Variants in IFNGR2 observed in about 807,000 individuals in gnomAD.
IFNGR2 encodes the protein interferon gamma receptor 2.
A neutral mutation model predicts 41.1 loss-of-function variants in IFNGR2; 15 were observed. That is an observed-to-expected ratio of 0.37 (90% CI 0.24 to 0.56). The LOEUF (loss-of-function observed/expected upper bound fraction) is 0.56. Ranked by LOEUF, IFNGR2 falls within the 20% of genes least tolerant of loss-of-function variation. The pLI is 0.81. For missense variants in IFNGR2, 362 were observed against 415.7 expected (o/e 0.87, Z 1.12); for synonymous variants, 161 against 171.6 (o/e 0.94, Z 0.48).
intron 2 of IFNGR2, among the ~76,000 whole-genome samples, chr21:33,417,010 C>T (rs912387960): frequency 4.0e-5 from 6 of 150,194 alleles, no homozygotes; most frequent in African/African-American, 1.5e-4. Flanking sequence ...ACCTCCGCCT[C>T]CCAGGTTCAA....
chr21:33,404,648 T>C (rs909271049), intron 1 of IFNGR2, among the ~76,000 whole-genome samples: 1 of 152,076 alleles, frequency 6.6e-6, no homozygotes, highest in African/African-American at 2.4e-5. Context: ...AGGCTGTTCT[T>C]GTACTCCTGA....
intron 1 of IFNGR2, chr21:33,411,401 G>A: frequency 2.1e-6 from 1 of 470,112 alleles, no homozygotes; most frequent in South Asian, 1.6e-5. Flanking sequence ...TGCCCGGAAA[G>A]GGAAGTCGGG....
intron 6 of IFNGR2, 125 bp from the exon 7 acceptor site, chr21:33,436,703 G>C: frequency 1.4e-6 from 1 of 726,588 alleles, no homozygotes; most frequent in Non-Finnish European, 2.2e-6. Flanking sequence ...GCCTAGGCAA[G>C]AGTAAGACTC....
intron 4 of IFNGR2, among the ~76,000 whole-genome samples, chr21:33,427,945 G>A (rs535349718): frequency 6.7e-6 from 1 of 149,652 alleles, no homozygotes; most frequent in Non-Finnish European, 1.5e-5. Context: ...TGGTCAGGCT[G>A]GTCTCAGACT....
At chr21:33,434,292 T>G (rs2083921390) in intron 6 of IFNGR2, among the ~76,000 whole-genome samples, 1 of 151,996 alleles carries the variant, frequency 6.6e-6, no homozygotes, top group African/African-American at 2.4e-5. Context: ...GAGGCCAGGG[T>G]GGGCAGATCA....
intron 3 of IFNGR2, among the ~76,000 whole-genome samples, chr21:33,423,380 TAA>T (rs373668440): frequency 6.6e-6 from 1 of 151,116 alleles, no homozygotes; most frequent in East Asian, 2.0e-4. Context: ...TTTTCTGTAA[TAA>T]AAAGTTTTTT....
intron 2 of IFNGR2, 118 bp from the exon 3 acceptor site, chr21:33,421,362 C>G (rs1183934196): frequency 1.4e-6 from 1 of 703,924 alleles, no homozygotes; most frequent in South Asian, 1.5e-5. Context: ...CGGGGGGGAA[C>G]TGTATGGTAC....
intron 1 of IFNGR2, among the ~76,000 whole-genome samples, chr21:33,407,169 T>C (rs2083683312): frequency 1.3e-5 from 2 of 152,152 alleles, no homozygotes; most frequent in African/African-American, 4.8e-5. Context: ...CTATTTGTAA[T>C]TGTAGCAGGT....
intron 6 of IFNGR2, 66 bp downstream of exon 6, chr21:33,432,937 G>A: frequency 3.0e-6 from 4 of 1,342,206 alleles, no homozygotes; most frequent in South Asian, 1.2e-5. Context: ...CCAGGCGGGA[G>A]TGTCATGGTA....
intron 1 of IFNGR2, among the ~76,000 whole-genome samples, chr21:33,413,780 G>A (rs1282354818): frequency 6.8e-6 from 1 of 147,694 alleles, no homozygotes; most frequent in Non-Finnish European, 1.5e-5. Context: ...GATATTGGTG[G>A]TGTTTCCGGG....
chr21:33,407,847 C>A (rs1188597682), intron 1 of IFNGR2, among the ~76,000 whole-genome samples: 5 of 48,690 alleles, frequency 1.0e-4, no homozygotes, highest in Admixed American at 2.1e-4. Flanking sequence ...CCCCACCGCA[C>A]CCCCCCCCGC....
chr21:33,423,569 A>G (rs1270833041), intron 3 of IFNGR2, among the ~76,000 whole-genome samples: 1 of 151,052 alleles, frequency 6.6e-6, no homozygotes, highest in Non-Finnish European at 1.5e-5. Flanking sequence ...TGCCCGTCTA[A>G]TTTTTTGTAT....
At chr21:33,421,382 G>A in intron 2 of IFNGR2, 98 bp from the exon 3 acceptor site, 1 of 757,402 alleles carries the variant, frequency 1.3e-6, no homozygotes, top group Middle Eastern at 2.4e-4. Flanking sequence ...CATATAAATT[G>A]TATCTCAATA....
chr21:33,431,379 G>T (rs538242252), intron 4 of IFNGR2, among the ~76,000 whole-genome samples: 1 of 152,188 alleles, frequency 6.6e-6, no homozygotes, highest in East Asian at 1.9e-4. Flanking sequence ...AGACCAGCCT[G>T]GGCAACATGG....
chr21:33,409,185 G>A (rs2083699112), intron 1 of IFNGR2, among the ~76,000 whole-genome samples: 1 of 146,598 alleles, frequency 6.8e-6, no homozygotes, highest in Non-Finnish European at 1.5e-5. Context: ...AAAAAAAAAA[G>A]AGGCCGGGCT....
In IFNGR2 at chr21:33,437,128, T is replaced by A; in HGVS notation, c.*166T>A. 2 of 510,404 alleles carry A rather than the reference T, an allele frequency of 3.9e-6. No individual in the cohort carries two copies. The highest frequency in any genetic ancestry group is 3.3e-5 in the East Asian group (1 of 30,142). 31.6% of individuals were successfully genotyped at this position (510,404 alleles called of 1,614,324 possible). On this transcript the variant is annotated 3_prime_UTR_variant, in exon 7 of 7. Coordinates refer to ENST00000290219, the MANE Select transcript of IFNGR2 (RefSeq NM_005534.4). ...GCAGGTCTCATGGGGGTGACAAGCT[T>A]TTTTTTTTTTTCTTAAAGAATTTTC...
chr21:33,430,985 G>A (rs1383066914), intron 4 of IFNGR2, among the ~76,000 whole-genome samples: 1 of 152,126 alleles, frequency 6.6e-6, no homozygotes, highest in Non-Finnish European at 1.5e-5. Flanking sequence ...ATGGGACAAT[G>A]ACAGCCTTGC....
intron 1 of IFNGR2, among the ~76,000 whole-genome samples, chr21:33,408,188 C>T (rs1051850212): frequency 2.0e-5 from 3 of 151,774 alleles, no homozygotes; most frequent in Non-Finnish European, 2.9e-5. Context: ...CCCAGGATAT[C>T]CTCCTATTCT....
At position 33,421,569 on chromosome 21, in the gene IFNGR2, C is replaced by T. The variant is rs1319130063; in HGVS notation, c.296C>T (p.Ala99Val). 1 of 1,613,942 alleles carries T rather than the reference C, an allele frequency of 6.2e-7. No individual in the cohort carries two copies. The highest frequency in any genetic ancestry group is 8.5e-7 in the Non-Finnish European group (1 of 1,179,952). ...ITATECDFTA[A>V]SPSAGFPMDF... ...GCAACAGAGTGTGACTTCACTGCCG[C>T]CAGTCCCTCAGCAGGCTTCCCAATG... is the stretch of plus-strand genomic sequence containing the variant. The change falls in exon 3 of 7, where the codon GCC becomes GTC. Residue 99 changes from alanine (A) to valine (V), a missense_variant. Transcript: ENST00000290219.
Sources: gnomAD v4.1 joint callset for allele counts (sites outside exome capture counted in the v4.1 genomes callset) on GRCh38, gnomAD v4.1.1 for gene constraint, MANE v1.5 for transcripts, NCBI Gene and HGNC (gene_info 2026-07-23, HGNC 2026-07-21) for gene names.